IL13RA1: variants seen among roughly 807,000 people sequenced by gnomAD.
IL13RA1 encodes interleukin 13 receptor subunit alpha 1.
Under a neutral mutation model 33.8 loss-of-function variants are expected in IL13RA1, and 14 were observed. The observed-to-expected ratio is 0.41, with a 90% CI of 0.27 to 0.65. The LOEUF (loss-of-function observed/expected upper bound fraction) is 0.65, where lower values mean the gene tolerates loss of function less well. Among genes scored for constraint, IL13RA1 ranks in the 30% least tolerant of loss-of-function variants. The probability of loss-of-function intolerance (pLI) is 0.28; values close to 1 mark genes in which losing one functional copy is unlikely to be tolerated. For missense variants in IL13RA1, 313 were observed against 327.0 expected (o/e 0.96, Z 0.33); for synonymous variants, 116 against 115.7 (o/e 1.00, Z -0.02).
intron 10 of IL13RA1, among the ~76,000 whole-genome samples, chrX:118,787,271 G>T (rs2017929548): frequency 9.0e-6 from 1 of 111,546 alleles, no homozygotes; most frequent in African/African-American, 3.3e-5. Context: ...GACATCACAT[G>T]TCAGCAGGTT....
chrX:118,742,712 AG>A (rs1384623704), intron 2 of IL13RA1, among the ~76,000 whole-genome samples: 2 of 110,943 alleles, frequency 1.8e-5, no homozygotes, highest in African/African-American at 6.6e-5. Context: ...AACCTCTCTG[AG>A]CTCCCATTTT....
intron 2 of IL13RA1, among the ~76,000 whole-genome samples, chrX:118,745,336 C>T (rs1255255235): frequency 9.0e-6 from 1 of 111,697 alleles, no homozygotes; most frequent in Non-Finnish European, 1.9e-5. Flanking sequence ...ACAGCTTTGC[C>T]AGTGGGACAG....
At chrX:118,776,309 A>G (rs1289348682) in intron 9 of IL13RA1, 118 bp from the exon 10 acceptor site, 3 of 391,787 alleles carry the variant, frequency 7.7e-6, no homozygotes, top group African/African-American at 7.6e-5. Flanking sequence ...TGCCTTGTCA[A>G]TAAAGATGAC....
intron 3 of IL13RA1, among the ~76,000 whole-genome samples, chrX:118,747,347 GCA>G (rs1295120232): frequency 5.5e-5 from 6 of 109,066 alleles, no homozygotes; most frequent in African/African-American, 1.3e-4. Flanking sequence ...ATATACACAT[GCA>G]CGCGCGCGCA....
intron 5 of IL13RA1, among the ~76,000 whole-genome samples, chrX:118,759,979 C>T (rs925250737): frequency 9.9e-5 from 11 of 110,737 alleles, no homozygotes; most frequent in Non-Finnish European, 1.9e-4. Context: ...TGCCATGTTT[C>T]GCAGGCTGGT....
chrX:118,730,728 A>T (rs1291089064), intron 1 of IL13RA1, among the ~76,000 whole-genome samples: 1 of 111,957 alleles, frequency 8.9e-6, no homozygotes. Context: ...GCTACATAAG[A>T]ATCTATGGTT....
At chrX:118,743,209 C>T (rs2017364566) in intron 2 of IL13RA1, among the ~76,000 whole-genome samples, 2 of 111,906 alleles carry the variant, frequency 1.8e-5, no homozygotes, top group Admixed American at 1.9e-4. Flanking sequence ...TTCCTCTCCT[C>T]TTTCTGTCCT....
intron 6 of IL13RA1, among the ~76,000 whole-genome samples, chrX:118,763,990 C>T (rs905234642): frequency 9.0e-5 from 10 of 111,324 alleles, no homozygotes; most frequent in Non-Finnish European, 1.5e-4. Context: ...TGTGTGCTCA[C>T]AGATTTTGAA....
intron 2 of IL13RA1, among the ~76,000 whole-genome samples, chrX:118,744,963 T>C (rs1036393617): frequency 3.6e-5 from 4 of 111,855 alleles, no homozygotes; most frequent in Non-Finnish European, 7.5e-5. Flanking sequence ...GGGTGGCTTC[T>C]TCAAAGATAT....
chrX:118,755,707 G>C (rs2017522639), intron 4 of IL13RA1, among the ~76,000 whole-genome samples: 2 of 112,089 alleles, frequency 1.8e-5, no homozygotes, highest in Non-Finnish European at 3.8e-5. Flanking sequence ...GTGCATTCGA[G>C]GAGTTCCTTT....
intron 4 of IL13RA1, among the ~76,000 whole-genome samples, chrX:118,757,678 CTTTT>C (rs765835021): frequency 6.5e-4 from 38 of 58,334 alleles, no homozygotes; most frequent in East Asian, 3.0e-3. Context: ...AGAATTCTGC[CTTTT>C]TTTTTTTTTT....
intron 10 of IL13RA1, among the ~76,000 whole-genome samples, chrX:118,788,627 C>A (rs1339367911): frequency 2.7e-5 from 3 of 111,522 alleles, no homozygotes; most frequent in Non-Finnish European, 5.6e-5. Flanking sequence ...CCCTGGTCCC[C>A]TATAATATAG....
chrX:118,762,012 T>C (rs1255647907), intron 6 of IL13RA1, among the ~76,000 whole-genome samples: 1 of 112,622 alleles, frequency 8.9e-6, no homozygotes, highest in Non-Finnish European at 1.9e-5. Context: ...TTCTGTTTTC[T>C]TGGAGTTTGT....
chrX:118,797,046 G>A (rs1190093967), downstream of IL13RA1, among the ~76,000 whole-genome samples: 1 of 111,958 alleles, frequency 8.9e-6, no homozygotes, highest in African/African-American at 3.3e-5. Flanking sequence ...GTCTGGGTCT[G>A]TTTCCCTATC....
At chrX:118,800,138 T>C in the IL13RA1 span, among the ~76,000 whole-genome samples, 1 of 111,327 alleles carries the variant, frequency 9.0e-6, no homozygotes, top group African/African-American at 3.3e-5. Context: ...AACCTTTGTA[T>C]CTAGCTCAGG....
intron 2 of IL13RA1, among the ~76,000 whole-genome samples, chrX:118,744,302 A>G (rs1603209016): frequency 8.9e-6 from 1 of 112,095 alleles, no homozygotes; most frequent in Middle Eastern, 4.6e-3. Context: ...AAAAAAAATT[A>G]TTTGAAAAAA....
intron 4 of IL13RA1, among the ~76,000 whole-genome samples, chrX:118,756,610 G>A (rs755582732): frequency 3.6e-5 from 4 of 111,447 alleles, no homozygotes; most frequent in Non-Finnish European, 5.6e-5. Flanking sequence ...CAGGGTGTGG[G>A]CAATGGATGT....
chrX:118,803,076 C>T, the IL13RA1 span, among the ~76,000 whole-genome samples: 1 of 112,420 alleles, frequency 8.9e-6, no homozygotes, highest in African/African-American at 3.2e-5. Flanking sequence ...TCTTTTCAGA[C>T]TTGTCCTGCC....
At chrX:118,775,947 T>C (rs1380288868) in intron 9 of IL13RA1, among the ~76,000 whole-genome samples, 1 of 110,247 alleles carries the variant, frequency 9.1e-6, no homozygotes, top group Non-Finnish European at 1.9e-5. Flanking sequence ...CCGAAAGGAG[T>C]GCTCATAAAG....
Sources: allele counts gnomAD v4.1 joint callset (sites outside exome capture counted in the v4.1 genomes callset), GRCh38; gene constraint gnomAD v4.1.1; transcripts MANE v1.5; gene names NCBI Gene and HGNC (gene_info 2026-07-23, HGNC 2026-07-21).